IVD: variants seen among roughly 807,000 people sequenced by gnomAD.
IVD encodes the protein isovaleryl-CoA dehydrogenase, mitochondrial.
In IVD, 31 loss-of-function variants were observed where a neutral mutation model predicts 51.3. That is an observed-to-expected ratio of 0.60 (90% CI 0.45 to 0.81). IVD has a LOEUF of 0.81. Among genes scored for constraint, IVD ranks in the 40% least tolerant of loss-of-function variants. The pLI, the probability that IVD is intolerant of heterozygous loss-of-function variation, is 0.00. For missense variants in IVD, 475 were observed against 552.0 expected (o/e 0.86, Z 1.40); for synonymous variants, 205 against 219.4 (o/e 0.93, Z 0.58).
At chr15:40,410,836 T>C (rs1184546782) in intron 4 of IVD, 39 bp downstream of exon 4, 1 of 1,608,694 alleles carries the variant, frequency 6.2e-7, no homozygotes. Context: ...AATCTCACAG[T>C]GCAACCACCA....
rs543297907 is a variant in IVD, at chr15:40,411,304, C to A, written c.501C>A (p.Pro167=). The change falls in exon 5 of 12, where the codon CCC becomes CCA. Residue 167 remains proline (P), a synonymous_variant. Transcript: ENST00000487418. Reference sequence around the variant, plus strand: ...TCGGAGCCCTGGCCATGAGTGAGCCCAATGCAGGCTCTGATGTTGTCTCTA... The same window carrying A: ...TCGGAGCCCTGGCCATGAGTGAGCCAAATGCAGGCTCTGATGTTGTCTCTA... The part of the protein sequence containing the change: ...EYIGALAMSE[P]NAGSDVVSMK... The A allele has an allele frequency of 6.2e-7, 1 of 1,614,092 alleles. No homozygotes were observed. The highest frequency in any genetic ancestry group is 8.5e-7 in the Non-Finnish European group (1 of 1,180,010).
rs1237552427 is a variant in IVD, at chr15:40,418,833, A to G, written c.*570A>G. The G allele has an allele frequency of 2.0e-6, 2 of 983,698 alleles. No homozygotes were observed. The highest frequency in any genetic ancestry group is 2.5e-6 in the Non-Finnish European group (2 of 792,380). The allele number at this position is 983,698 out of a possible 1,614,324, so 60.9% of individuals were successfully genotyped here. ...TTTCAGTCTCTTTTCTGGGGGAAAA[A>G]AATAATAAACCTAGCCTAGCCAGGC... is the stretch of plus-strand genomic sequence containing the variant. On this transcript the variant is annotated 3_prime_UTR_variant, in exon 12 of 12. Transcript: ENST00000487418.
intron 3 of IVD, among the ~76,000 whole-genome samples, chr15:40,409,962 G>A (rs188937247): frequency 1.3e-3 from 193 of 151,002 alleles, no homozygotes; most frequent in African/African-American, 4.6e-3. Context: ...TCAGCCTCCC[G>A]AGTAGCTGGG....
chr15:40,435,560 C>A (rs1156533914), downstream of IVD: 2 of 1,159,490 alleles, frequency 1.7e-6, no homozygotes, highest in Non-Finnish European at 2.2e-6. Context: ...GCTCCCCCAA[C>A]TCGCCTCTTG....
chr15:40,408,561 G>A (rs1218701261), intron 3 of IVD, among the ~76,000 whole-genome samples: 2 of 152,114 alleles, frequency 1.3e-5, no homozygotes, highest in Non-Finnish European at 2.9e-5. Context: ...TGTTTAATAG[G>A]CTGTCCGGAG....
chr15:40,418,841 A>C lies in IVD; in HGVS notation c.*578A>C. 8 of 901,738 alleles carry C rather than the reference A, an allele frequency of 8.9e-6. No individual in the cohort carries two copies. The highest frequency in any genetic ancestry group is 1.1e-5 in the Non-Finnish European group (8 of 717,474). The allele number at this position is 901,738 out of a possible 1,614,324, so 55.9% of individuals were successfully genotyped here. On this transcript the variant is annotated 3_prime_UTR_variant, in exon 12 of 12. Coordinates refer to ENST00000487418, the MANE Select transcript of IVD (RefSeq NM_002225.5). ...TCTTTTCTGGGGGAAAAAAATAATA[A>C]ACCTAGCCTAGCCAGGCGTGGTGGC... is the stretch of plus-strand genomic sequence containing the variant.
chr15:40,433,112 C>A (rs775303617), intron 7 of IVD, among the ~76,000 whole-genome samples: 1 of 152,004 alleles, frequency 6.6e-6, no homozygotes, highest in Admixed American at 6.6e-5. Flanking sequence ...TTAACCACTA[C>A]GCTATGTGAA....
rs778857245 is a variant in IVD, at chr15:40,412,991, G to T, written c.688G>T (p.Gly230Cys). 7.4e-6 allele frequency: 12 copies of T among 1,613,414 alleles called. No individual in the cohort carries two copies. Among genetic ancestry groups the T allele is most frequent in the African/African-American group, 2.7e-5 (2 of 74,912 alleles). ...RGITAFIVEKGMPGFSTSKKL... is the reference protein window; with the variant it reads ...RGITAFIVEKCMPGFSTSKKL... ...GGACCACCTTTTGTTTCCTGTAAAG[G>T]GTATGCCTGGCTTTAGCACCTCTAA... The change falls in exon 7 of 12, where the codon GGT becomes TGT. Residue 230 changes from glycine to cysteine, a missense_variant and splice_region_variant. Gly to Cys is a radical substitution (Grantham distance 159). Transcript: ENST00000487418.
At position 40,419,802 on chromosome 15, in the gene IVD, CTG is replaced by C. The variant is rs1347177668; in HGVS notation, c.*1541_*1542del. On this transcript the variant is annotated 3_prime_UTR_variant, in exon 12 of 12. Coordinates refer to ENST00000487418, the MANE Select transcript of IVD (RefSeq NM_002225.5). ...CCAGCTTGGACGACAGAGCGAGACT[CTG>C]TCTCAAAAAATAATAGGCCAGGCAT... is the stretch of plus-strand genomic sequence containing the variant. The C allele has an allele frequency of 6.6e-6, 1 of 151,332 alleles. No homozygotes were observed. The highest frequency in any genetic ancestry group is 1.5e-5 in the Non-Finnish European group (1 of 68,172). The allele number at this position is 151,332 out of a possible 1,614,324, so 9.4% of individuals were successfully genotyped here.
Position 40,418,669 on chromosome 15 carries a change from G to C in IVD, c.*406G>C, listed in dbSNP as rs1891981630. On this transcript the variant is annotated 3_prime_UTR_variant, in exon 12 of 12. Coordinates refer to ENST00000487418, the MANE Select transcript of IVD (RefSeq NM_002225.5). Reference sequence around the variant, plus strand: ...CCTCTTTCTCTTGGGTGAGGCTCTGGCAAGGAGATCTCTCTGCTCAAGCAC... The same window carrying C: ...CCTCTTTCTCTTGGGTGAGGCTCTGCCAAGGAGATCTCTCTGCTCAAGCAC... 1 of 1,143,168 alleles carries C rather than the reference G, an allele frequency of 8.7e-7. No homozygotes were observed. The highest frequency in any genetic ancestry group is 1.6e-5 in the African/African-American group (1 of 61,840). The allele number at this position is 1,143,168 out of a possible 1,614,324, so 70.8% of individuals were successfully genotyped here. A position where few individuals can be genotyped will look rare whatever the true frequency, so the allele number is the denominator to read the frequency against.
At chr15:40,411,506 TGA>T in intron 5 of IVD, 47 bp from the exon 6 acceptor site, 1 of 1,613,894 alleles carries the variant, frequency 6.2e-7, no homozygotes, top group East Asian at 2.2e-5. Context: ...ATGGCCTGGC[TGA>T]GACAGGCCAA....
Position 40,419,567 on chromosome 15 carries a change from T to C in IVD, c.*1304T>C, listed in dbSNP as rs1241620522. 5.9e-6 allele frequency: 1 copy of C among 169,238 alleles called. No individual in the cohort carries two copies. The highest frequency in any genetic ancestry group is 2.4e-5 in the African/African-American group (1 of 41,852). 10.5% of individuals were successfully genotyped at this position (169,238 alleles called of 1,614,324 possible). A position where few individuals can be genotyped will look rare whatever the true frequency, so the allele number is the denominator to read the frequency against. On this transcript the variant is annotated 3_prime_UTR_variant, in exon 12 of 12. Transcript: ENST00000487418. ...TGACTCATGCCTGTAATCCCAACAC[T>C]TTGGGAGGCCGAGGCAGGTGGATCA...
intron 2 of IVD, 56 bp from the exon 3 acceptor site, chr15:40,407,883 G>A (rs1441921490): frequency 1.9e-6 from 3 of 1,582,308 alleles, no homozygotes; most frequent in Non-Finnish European, 2.6e-6. Context: ...CCAGCCACAT[G>A]TGACTGGCTG....
rs2141289293 is a variant in IVD, at chr15:40,405,863, G to A, written c.36G>A (p.Val12=). ...ATATRLLGWR[V]ASWRLRPPLA... ...CGACTCGGCTGCTGGGGTGGCGTGTGGCGAGCTGGAGGCTGCGGCCGCCGC... is the reference window on the plus strand; with the variant it reads ...CGACTCGGCTGCTGGGGTGGCGTGTAGCGAGCTGGAGGCTGCGGCCGCCGC... The change falls in exon 1 of 12, where the codon GTG becomes GTA. Residue 12 remains valine (V), a synonymous_variant. Coordinates refer to ENST00000487418, the MANE Select transcript of IVD (RefSeq NM_002225.5). 6.2e-7 allele frequency: 1 copy of A among 1,613,098 alleles called. No homozygotes were observed. The highest frequency in any genetic ancestry group is 8.5e-7 in the Non-Finnish European group (1 of 1,179,600).
In IVD at chr15:40,418,857, G is replaced by C. The variant is rs149755898; in HGVS notation, c.*594G>C. 7 of 803,868 alleles carry C rather than the reference G, an allele frequency of 8.7e-6. No homozygotes were observed. Among genetic ancestry groups the C allele is most frequent in the Non-Finnish European group, 1.1e-5 (7 of 620,824 alleles). The allele number at this position is 803,868 out of a possible 1,614,324, so 49.8% of individuals were successfully genotyped here. Reference sequence around the variant, plus strand: ...AAAATAATAAACCTAGCCTAGCCAGGCGTGGTGGCTCATGCTTGTAATCCC... The same window carrying C: ...AAAATAATAAACCTAGCCTAGCCAGCCGTGGTGGCTCATGCTTGTAATCCC... On this transcript the variant is annotated 3_prime_UTR_variant, in exon 12 of 12. Coordinates refer to ENST00000487418, the MANE Select transcript of IVD (RefSeq NM_002225.5).
chr15:40,421,042 C>T lies in IVD; in HGVS notation c.*2779C>T, dbSNP rs1234982251. 1.0e-6 allele frequency: 1 copy of T among 985,308 alleles called. No individual in the cohort carries two copies. Among genetic ancestry groups the T allele is most frequent in the African/African-American group, 1.7e-5 (1 of 57,256 alleles). 61.0% of individuals were successfully genotyped at this position (985,308 alleles called of 1,614,324 possible). A position where few individuals can be genotyped will look rare whatever the true frequency, so the allele number is the denominator to read the frequency against. ...CTCACCAACCCCAGTTCCGTCCCAT[C>T]CTGAGGGCAAGATCCTGGGCTCATA... On this transcript the variant is annotated 3_prime_UTR_variant, in exon 12 of 12. Coordinates refer to ENST00000487418, the MANE Select transcript of IVD (RefSeq NM_002225.5).
chr15:40,406,615 C>G (rs1890446424), intron 1 of IVD, among the ~76,000 whole-genome samples: 1 of 152,104 alleles, frequency 6.6e-6, no homozygotes. Context: ...GCAACATAGC[C>G]AGACCCCCAT....
At chr15:40,407,279 C>T (rs1890548098) in intron 1 of IVD, among the ~76,000 whole-genome samples, 1 of 152,216 alleles carries the variant, frequency 6.6e-6, no homozygotes, top group African/African-American at 2.4e-5. Context: ...GCAGCTGGAG[C>T]ACAGAGGGTG....
At chr15:40,430,771 G>A (rs1426922273) in intron 7 of IVD, among the ~76,000 whole-genome samples, 9 of 152,226 alleles carry the variant, frequency 5.9e-5, no homozygotes, top group African/African-American at 2.2e-4. Flanking sequence ...GAGTTTGCTT[G>A]TAGTTGGAAG....
Sources: allele counts gnomAD v4.1 joint callset (sites outside exome capture counted in the v4.1 genomes callset), GRCh38; gene constraint gnomAD v4.1.1; transcripts MANE v1.5; gene names NCBI Gene and HGNC (gene_info 2026-07-23, HGNC 2026-07-21).